Variants in PLRG1 observed in about 807,000 individuals in gnomAD.
The protein encoded by PLRG1 is pleiotropic regulator 1 (PRL1 homolog, Arabidopsis).
Under a neutral mutation model 74.9 loss-of-function variants are expected in PLRG1, and 28 were observed. The ratio of observed to expected loss-of-function variants is 0.37; its 90% CI spans 0.28 to 0.51. The LOEUF (loss-of-function observed/expected upper bound fraction) is 0.51, where lower values mean the gene tolerates loss of function less well. Among genes scored for constraint, PLRG1 ranks in the 20% least tolerant of loss-of-function variants. PLRG1 has a pLI of 0.91. For synonymous variants in PLRG1, 197 were observed against 212.4 expected (o/e 0.93, Z 0.63); for missense variants, 445 against 631.9 (o/e 0.70, Z 3.17).
chr4:154,546,459 AAAGTT>A, intron 4 of PLRG1: 1 of 445,850 alleles, frequency 2.2e-6, no homozygotes, highest in South Asian at 3.0e-5. Context: ...CCAGAATAGT[AAAGTT>A]AATTTCCATT....
chr4:154,537,348 T>C lies in PLRG1; in HGVS notation c.1423A>G (p.Ser475Gly). 6.2e-7 allele frequency: 1 copy of C among 1,613,376 alleles called. No homozygotes were observed. Among genetic ancestry groups the C allele is most frequent in the Non-Finnish European group, 8.5e-7 (1 of 1,179,500 alleles). Reference sequence around the variant, plus strand: ...TCAGCTTCAGCTGTTAGTAATCGACTTTCAGACTGATCAAAAGCACAAGCA... The same window carrying C: ...TCAGCTTCAGCTGTTAGTAATCGACCTTCAGACTGATCAAAAGCACAAGCA... ...IFACAFDQSE[S>G]RLLTAEADKT... The change falls in exon 14 of 15, where the codon AGT (serine) becomes GGT (glycine). Residue 475 changes from serine to glycine, a missense_variant. This residue lies in a region of PLRG1 where 221 missense variants were observed against 377.7 expected (regional missense o/e 0.59). Transcript: ENST00000499023.
chr4:154,544,905 G>A (rs1368221500), intron 6 of PLRG1, among the ~76,000 whole-genome samples: 1 of 152,206 alleles, frequency 6.6e-6, no homozygotes, highest in Admixed American at 6.5e-5. Flanking sequence ...AATGCTCCAT[G>A]TAAGCTCCCA....
intron 7 of PLRG1, 78 bp downstream of exon 7, chr4:154,544,367 C>A: frequency 1.2e-6 from 1 of 849,944 alleles, no homozygotes; most frequent in Non-Finnish European, 2.0e-6. Context: ...TCTTTTTCCT[C>A]CTTATTCTAT....
Position 154,535,240 on chromosome 4 carries a change from T to C in PLRG1, c.*1445A>G, listed in dbSNP as rs980984652. On this transcript the variant is annotated 3_prime_UTR_variant, in exon 15 of 15. Transcript: ENST00000499023. Reference sequence around the variant, plus strand: ...AAATCTTGCCCTAATAATCCAGACATTCCTCACTCTCTTAACGAATACTTA... The same window carrying C: ...AAATCTTGCCCTAATAATCCAGACACTCCTCACTCTCTTAACGAATACTTA... 2.6e-5 allele frequency: 4 copies of C among 151,856 alleles called. No homozygotes were observed. Among genetic ancestry groups the C allele is most frequent in the African/African-American group, 9.7e-5 (4 of 41,346 alleles). The allele number at this position is 151,856 out of a possible 1,614,324, so 9.4% of individuals were successfully genotyped here.
chr4:154,546,398 A>G, intron 4 of PLRG1, 185 bp from the exon 5 acceptor site: 1 of 567,912 alleles, frequency 1.8e-6, no homozygotes, highest in Middle Eastern at 4.6e-4. Flanking sequence ...CTGCTTAATA[A>G]CACGTAACTC....
At chr4:154,541,315 AAAGATT>A (rs1729552593) in intron 8 of PLRG1, among the ~76,000 whole-genome samples, 2 of 152,184 alleles carry the variant, frequency 1.3e-5, no homozygotes, top group Admixed American at 1.3e-4. Context: ...AGTTTTTTAA[AAAGATT>A]AAGTATCCAT....
At position 154,547,065 on chromosome 4, in the gene PLRG1, C is replaced by G; in HGVS notation, c.260-1G>C. ...GCCACAAAGTATTCAACTTCTTGTC[C>G]TAAAAAAACACAAAAAAAATCAACA... On this transcript the variant is annotated splice_acceptor_variant, in intron 3 of 14. Coordinates refer to ENST00000499023, the MANE Select transcript of PLRG1 (RefSeq NM_002669.4). LOFTEE classifies it high-confidence loss of function. 1 of 1,610,324 alleles carries G rather than the reference C, an allele frequency of 6.2e-7. No individual in the cohort carries two copies. Among genetic ancestry groups the G allele is most frequent in the Non-Finnish European group, 8.5e-7 (1 of 1,176,818 alleles).
At chr4:154,541,220 C>G (rs1385894146) in intron 8 of PLRG1, among the ~76,000 whole-genome samples, 1 of 152,064 alleles carries the variant, frequency 6.6e-6, no homozygotes, top group Non-Finnish European at 1.5e-5. Context: ...ATTAAATTAA[C>G]TGAGGCTGGC....
At chr4:154,545,190 C>T (rs967524893) in intron 6 of PLRG1, among the ~76,000 whole-genome samples, 1 of 152,070 alleles carries the variant, frequency 6.6e-6, no homozygotes, top group East Asian at 1.9e-4. Flanking sequence ...AGAAGACGTG[C>T]TCTGAATGGA....
At chr4:154,548,028 C>G (rs35290073) in intron 2 of PLRG1, among the ~76,000 whole-genome samples, 175 bp from the exon 3 acceptor site, 45,668 of 152,004 alleles carry the variant, frequency 0.3, 7,691 homozygotes, top group Admixed American at 0.4. Context: ...TGCTTACATT[C>G]GACCACACAG....
rs1489468776 is a variant in PLRG1 at position 154,535,552 on chromosome 4, G to A, written c.*1133C>T. On this transcript the variant is annotated 3_prime_UTR_variant, in exon 15 of 15. Coordinates refer to ENST00000499023, the MANE Select transcript of PLRG1 (RefSeq NM_002669.4). ...GGAAGTGCTTGTTCAAAATCATGGT[G>A]CAATTTTTTAATTTGGAAAATTTAA... 4 of 150,782 alleles carry A rather than the reference G, an allele frequency of 2.7e-5. No homozygotes were observed. The highest frequency in any genetic ancestry group is 9.8e-5 in the African/African-American group (4 of 40,918). The allele number at this position is 150,782 out of a possible 1,614,324, so 9.3% of individuals were successfully genotyped here.
rs750146096 is a variant in PLRG1, at chr4:154,537,412, A to G, written c.1359T>C (p.Ala453=). The G allele has an allele frequency of 6.2e-7, 1 of 1,613,450 alleles. No homozygotes were observed. Among genetic ancestry groups the G allele is most frequent in the South Asian group, 1.1e-5 (1 of 91,060 alleles). Residue 453 remains alanine, a synonymous_variant, in exon 14 of 15, where the codon GCT becomes GCC. Coordinates refer to ENST00000499023, the MANE Select transcript of PLRG1 (RefSeq NM_002669.4). ...TGYNFQRVHA[A]VQPGSLDSES... ...CACTGTCCAAAGACCCAGGTTGCAC[A>G]GCTGCGTGAACTCTCTGAAAATTGT...
intron 6 of PLRG1, 150 bp downstream of exon 6, chr4:154,545,686 C>T (rs916024118): frequency 2.3e-5 from 12 of 517,528 alleles, no homozygotes; most frequent in South Asian, 6.5e-5. Flanking sequence ...CCAAAAAATA[C>T]GTTAATTTAC....
At chr4:154,539,886 G>C in intron 11 of PLRG1, 65 bp downstream of exon 11, 2 of 819,630 alleles carry the variant, frequency 2.4e-6, no homozygotes, top group Middle Eastern at 2.3e-4. Flanking sequence ...AATATTAAAA[G>C]TATATGTATA....
chr4:154,540,246 CT>C (rs1401072137), intron 10 of PLRG1, 193 bp from the exon 11 acceptor site: 19 of 581,290 alleles, frequency 3.3e-5, no homozygotes, highest in Admixed American at 1.3e-4. Flanking sequence ...TGCAAGAATT[CT>C]AAAAAGCTAA....
At position 154,547,810 on chromosome 4, in the gene PLRG1, G is replaced by A; in HGVS notation, c.160C>T (p.Pro54Ser). 1.2e-6 allele frequency: 2 copies of A among 1,611,134 alleles called. No individual in the cohort carries two copies. Among genetic ancestry groups the A allele is most frequent in the Non-Finnish European group, 1.7e-6 (2 of 1,178,226 alleles). The change falls in exon 3 of 15, where the codon CCT becomes TCT. Residue 54 changes from proline (P) to serine (S), a missense_variant. By Grantham distance (74) the Pro-to-Ser change is moderately conservative (BLOSUM62 -1). This residue lies in a region of PLRG1 where 206 missense variants were observed against 210.8 expected (regional missense o/e 0.98). Transcript: ENST00000499023. Reference sequence around the variant, plus strand: ...TTTGAAGTAGGCATATGCAACACAGGACCATACTCATTACGAAGCTTGATT... The same window carrying A: ...TTTGAAGTAGGCATATGCAACACAGAACCATACTCATTACGAAGCTTGATT... ...MAIKLRNEYG[P>S]VLHMPTSKEN...
Position 154,540,775 on chromosome 4 carries a change from C to G in PLRG1, c.837+10G>C, listed in dbSNP as rs373371301. 3 of 1,612,696 alleles carry G rather than the reference C, an allele frequency of 1.9e-6. No homozygotes were observed. The African/African-American group carries it at 4.0e-5, about 22-fold the overall frequency. ...TTCACAATGTTTTAAATCCTTAACT[C>G]CAAACTTACCTTATTGTATTCGAGA... On this transcript the variant is annotated intron_variant, in intron 9 of 14. Coordinates refer to ENST00000499023, the MANE Select transcript of PLRG1 (RefSeq NM_002669.4).
rs1729507251 is a variant in PLRG1, at chr4:154,539,050, G to A, written c.1151+55C>T. The A allele has an allele frequency of 4.9e-6, 5 of 1,023,950 alleles. No homozygotes were observed. In the South Asian group the frequency reaches 6.3e-5, roughly 13 times the overall value. 63.4% of individuals were successfully genotyped at this position (1,023,950 alleles called of 1,614,324 possible). A position where few individuals can be genotyped will look rare whatever the true frequency, so the allele number is the denominator to read the frequency against. ...CAGTGCTAACACCACTAGCATTTCA[G>A]CATTATCTTAAGAACTGAAGAAAAA... On this transcript the variant is annotated intron_variant, in intron 12 of 14. Coordinates refer to ENST00000499023, the MANE Select transcript of PLRG1 (RefSeq NM_002669.4).
Position 154,539,960 on chromosome 4 carries a change from T to C in PLRG1, c.1033A>G (p.Ile345Val), listed in dbSNP as rs1260350713. ...AAAGTATCGATCATACCTGTAATAA[T>C]TTGTGGTTCTGCAGCCTGACATCTC... The part of the protein sequence containing the change: ...TVRCQAAEPQ[I>V]ITGSHDTTIR... Residue 345 changes from isoleucine (I) to valine (V), a missense_variant, in exon 11 of 15, where the codon ATT becomes GTT. By Grantham distance (29) the Ile-to-Val change is conservative. Around this residue, in one of 3 missense-constraint regions of PLRG1, gnomAD observed 221 missense variants for 377.7 expected, o/e 0.59. Transcript: ENST00000499023. 6.7e-7 allele frequency: 1 copy of C among 1,483,186 alleles called. No individual in the cohort carries two copies. The highest frequency in any genetic ancestry group is 9.4e-7 in the Non-Finnish European group (1 of 1,060,218). The allele number at this position is 1,483,186 out of a possible 1,614,324, so 91.9% of individuals were successfully genotyped here.
Sources: allele counts gnomAD v4.1 joint callset (sites outside exome capture counted in the v4.1 genomes callset), GRCh38; gene constraint gnomAD v4.1.1; regional missense constraint gnomAD v4.1.1; transcripts MANE v1.5; gene names NCBI Gene and HGNC (gene_info 2026-07-23, HGNC 2026-07-21).